SCUBE2: variants seen among roughly 807,000 people sequenced by gnomAD.
SCUBE2 encodes signal peptide, CUB and EGF-like domain-containing protein 2.
Under a neutral mutation model 125.9 loss-of-function variants are expected in SCUBE2, and 114 were observed. The observed-to-expected ratio is 0.91, with a 90% confidence interval of 0.78 to 1.06. The LOEUF (loss-of-function observed/expected upper bound fraction) is 1.06, where lower values mean the gene tolerates loss of function less well. SCUBE2 is among the 50% of genes least tolerant of loss of function. SCUBE2 has a pLI of 0.00. For missense variants in SCUBE2, 1,255 were observed against 1,301.8 expected, an observed-to-expected ratio of 0.96 and a Z score of 0.55; for synonymous variants, 459 against 492.9, an observed-to-expected ratio of 0.93 and a Z score of 0.91.
chr11:9,087,177 G>A (rs1862161900), intron 2 of SCUBE2, among the ~76,000 whole-genome samples: 1 of 152,202 alleles, frequency 6.6e-6, no homozygotes, highest in South Asian at 2.1e-4. Flanking sequence ...ACTATAAACT[G>A]TTAGCAATTC....
chr11:9,073,965 G>C (rs1174311352), intron 4 of SCUBE2, among the ~76,000 whole-genome samples: 2 of 152,202 alleles, frequency 1.3e-5, no homozygotes, highest in Non-Finnish European at 2.9e-5. Flanking sequence ...AGCACGGAAA[G>C]TCCAGGGAGG....
chr11:9,047,662 T>C, intron 15 of SCUBE2, 100 bp from the exon 16 acceptor site: 1 of 1,244,890 alleles, frequency 8.0e-7, no homozygotes, highest in Non-Finnish European at 1.1e-6. Flanking sequence ...CCGAGCTCCC[T>C]GTGGACCGAA....
At chr11:9,062,378 T>C (rs749511793) in intron 7 of SCUBE2, among the ~76,000 whole-genome samples, 14 of 152,222 alleles carry the variant, frequency 9.2e-5, no homozygotes, top group Non-Finnish European at 2.1e-4. Context: ...GACCTAACGA[T>C]ATTAGCATTC....
At chr11:9,089,546 C>G (rs567180747) in intron 2 of SCUBE2, among the ~76,000 whole-genome samples, 161 bp downstream of exon 2, 1 of 152,166 alleles carries the variant, frequency 6.6e-6, no homozygotes, top group African/African-American at 2.4e-5. Flanking sequence ...TGTTTCCAGT[C>G]CAAGATCTGA....
chr11:9,086,405 G>A (rs528179779), intron 2 of SCUBE2, among the ~76,000 whole-genome samples: 1 of 152,186 alleles, frequency 6.6e-6, no homozygotes, highest in Non-Finnish European at 1.5e-5. Flanking sequence ...TTGGTCCCAA[G>A]AGGCTCAAAA....
intron 5 of SCUBE2, among the ~76,000 whole-genome samples, chr11:9,068,150 A>C (rs1431350459): frequency 6.6e-6 from 1 of 151,784 alleles, no homozygotes; most frequent in Non-Finnish European, 1.5e-5. Context: ...GAAGTCCCTC[A>C]CCAGTGAAAC....
At chr11:9,084,795 G>A (rs1861923124) in intron 2 of SCUBE2, among the ~76,000 whole-genome samples, 1 of 152,178 alleles carries the variant, frequency 6.6e-6, no homozygotes, top group African/African-American at 2.4e-5. Context: ...CCAGGCTGGA[G>A]TGCAGTGGTG....
intron 2 of SCUBE2, among the ~76,000 whole-genome samples, chr11:9,082,070 G>A (rs1048944876): frequency 5.3e-5 from 8 of 152,074 alleles, no homozygotes; most frequent in Middle Eastern, 3.2e-3. Context: ...TTTGATTTGC[G>A]TTTCCCTAAT....
intron 4 of SCUBE2, among the ~76,000 whole-genome samples, chr11:9,074,035 G>C (rs1861017020): frequency 6.6e-6 from 1 of 152,112 alleles, no homozygotes; most frequent in African/African-American, 2.4e-5. Context: ...GATCTAGCTT[G>C]GGGCTGAAAA....
At position 9,089,619 on chromosome 11, in the gene SCUBE2, T is replaced by C. The variant is rs3751049; in HGVS notation, c.256+88A>G. The stretch of plus-strand genomic sequence containing the variant: ...TGGGGGAAAGGGAGAGGAGGGGCAG[T>C]ACTTTTACCAACATAAGTGGCCACT... On this transcript the variant is annotated intron_variant, in intron 2 of 22. Coordinates refer to ENST00000649792, the MANE Select transcript of SCUBE2 (RefSeq NM_001367977.2). 2.1e-3 allele frequency: 2,997 copies of C among 1,452,024 alleles called. 44 individuals carry two copies. The East Asian group carries it at 0.037, about 18-fold the overall frequency. The allele number at this position is 1,452,024 out of a possible 1,614,324, so 89.9% of individuals were successfully genotyped here.
chr11:9,041,258 G>C (rs10769985), intron 16 of SCUBE2, among the ~76,000 whole-genome samples: 8 of 150,446 alleles, frequency 5.3e-5, no homozygotes, highest in South Asian at 2.1e-4. Context: ...TAGAGGGAGA[G>C]AGAATGTGTG....
At chr11:9,079,185 T>G (rs11820939) in intron 3 of SCUBE2, among the ~76,000 whole-genome samples, 199 bp downstream of exon 3, 286 of 152,348 alleles carry the variant, frequency 1.9e-3, no homozygotes, top group African/African-American at 6.5e-3. Flanking sequence ...CTCCTTGGAC[T>G]AACAGAAGAT....
chr11:9,025,549 A>G (rs923909287), intron 21 of SCUBE2, 153 bp downstream of exon 21: 4 of 776,894 alleles, frequency 5.1e-6, no homozygotes, highest in Non-Finnish European at 8.2e-6. Context: ...AATGCCTGTT[A>G]AAATTTGGCA....
At chr11:9,046,283 T>C (rs10840165) in intron 16 of SCUBE2, among the ~76,000 whole-genome samples, 58,047 of 151,782 alleles carry the variant, frequency 0.38, 11,385 homozygotes, top group South Asian at 0.48. Context: ...GCTGGGATTA[T>C]AGGTGTGAGC....
chr11:9,033,863 A>G, intron 16 of SCUBE2, 67 bp from the exon 17 acceptor site: 2 of 1,541,250 alleles, frequency 1.3e-6, no homozygotes, highest in Non-Finnish European at 1.8e-6. Context: ...TGTGAGTTCT[A>G]GAGATGAAGG....
chr11:9,070,035 G>A (rs61876349), intron 4 of SCUBE2, among the ~76,000 whole-genome samples: 12,996 of 152,178 alleles, frequency 0.085, 642 homozygotes, highest in South Asian at 0.19. Context: ...CATGCCCCGG[G>A]ATCTGTCTTC....
At chr11:9,041,877 C>A (rs1329919707) in intron 16 of SCUBE2, among the ~76,000 whole-genome samples, 1 of 152,044 alleles carries the variant, frequency 6.6e-6, no homozygotes, top group East Asian at 1.9e-4. Context: ...GAGAAGAATT[C>A]TGAGATGGGA....
At chr11:9,049,340 C>T (rs189698807) in intron 14 of SCUBE2, among the ~76,000 whole-genome samples, 52 of 152,262 alleles carry the variant, frequency 3.4e-4, no homozygotes, top group African/African-American at 1.2e-3. Context: ...ACCTCCTGGG[C>T]TCAAGTGATC....
intron 14 of SCUBE2, among the ~76,000 whole-genome samples, chr11:9,049,716 CCA>C (rs1213020744): frequency 1.3e-5 from 2 of 152,122 alleles, no homozygotes; most frequent in African/African-American, 4.8e-5. Flanking sequence ...GTTTCTTCTA[CCA>C]CAGTTTTTCT....
Sources: gnomAD v4.1 joint callset for allele counts (sites outside exome capture counted in the v4.1 genomes callset) on GRCh38, gnomAD v4.1.1 for gene constraint, MANE v1.5 for transcripts, NCBI Gene and HGNC (gene_info 2026-07-23, HGNC 2026-07-21) for gene names.